The following ARHGEF37 variants were observed in gnomAD, a reference collection of about 807,000 sequenced individuals.
The protein encoded by ARHGEF37 is Rho guanine nucleotide exchange factor 37.
Under a neutral mutation model 71.1 loss-of-function variants are expected in ARHGEF37, and 55 were observed. The observed-to-expected ratio is 0.77, with a 90% CI of 0.62 to 0.97. ARHGEF37 has a LOEUF of 0.97. Ranked by LOEUF, ARHGEF37 falls within the 50% of genes least tolerant of loss-of-function variation. The pLI, the probability that ARHGEF37 is intolerant of heterozygous loss-of-function variation, is 0.00. For synonymous variants in ARHGEF37, 327 were observed against 350.6 expected (o/e 0.93, Z 0.75); for missense variants, 765 against 836.8 (o/e 0.91, Z 1.06).
Position 149,633,851 on chromosome 5 carries a change from A to T in ARHGEF37, c.*1660A>T, listed in dbSNP as rs4705077. 4.7e-4 allele frequency: 72 copies of T among 152,292 alleles called. No homozygotes were observed. Among genetic ancestry groups the T allele is most frequent in the African/African-American group, 1.6e-3 (65 of 41,528 alleles). 9.4% of individuals were successfully genotyped at this position (152,292 alleles called of 1,614,324 possible). ...TGTTAAAGCATGAAGACTGCATGAC[A>T]CAAGAGAAATGCAAGCCCTACGGTT... On this transcript the variant is annotated 3_prime_UTR_variant, in exon 13 of 13. Transcript: ENST00000333677.
At position 149,627,284 on chromosome 5, in the gene ARHGEF37, T is replaced by G; in HGVS notation, c.1660+13T>G. On this transcript the variant is annotated intron_variant, in intron 11 of 12. Coordinates refer to ENST00000333677, the MANE Select transcript of ARHGEF37 (RefSeq NM_001001669.3). ...GTGGACACCGGGGGTACGTGAGCCT[T>G]TGGGAGCCCTTCTTCTCCTTCGGGG... The G allele has an allele frequency of 6.2e-7, 1 of 1,609,434 alleles. No individual in the cohort carries two copies. Among genetic ancestry groups the G allele is most frequent in the African/African-American group, 1.3e-5 (1 of 74,944 alleles).
intron 1 of ARHGEF37, among the ~76,000 whole-genome samples, chr5:149,554,147 A>C (rs1762720759): frequency 6.6e-6 from 1 of 152,024 alleles, no homozygotes; most frequent in South Asian, 2.1e-4. Flanking sequence ...CGGCCTGGGC[A>C]AGAGAGTGAG....
chr5:149,629,424 G>A (rs551459768), intron 12 of ARHGEF37, among the ~76,000 whole-genome samples: 2 of 152,346 alleles, frequency 1.3e-5, no homozygotes, highest in South Asian at 4.1e-4. Flanking sequence ...AGCCCTAGGT[G>A]TGGAGAGGTC....
At chr5:149,583,412 A>T (rs1014211062) in intron 1 of ARHGEF37, among the ~76,000 whole-genome samples, 2 of 152,206 alleles carry the variant, frequency 1.3e-5, no homozygotes, top group Non-Finnish European at 2.9e-5. Context: ...CTGGGATTAC[A>T]GGCGTGAGCC....
chr5:149,552,203 TCC>T (rs1762685811), intron 1 of ARHGEF37: 2 of 89,750 alleles, frequency 2.2e-5, no homozygotes, highest in Non-Finnish European at 4.3e-5. Flanking sequence ...AACTGTTATG[TCC>T]CCTCAACCCC....
chr5:149,604,012 G>T (rs1417840479), intron 3 of ARHGEF37, among the ~76,000 whole-genome samples: 1 of 152,234 alleles, frequency 6.6e-6, no homozygotes, highest in African/African-American at 2.4e-5. Context: ...TCATTATTTT[G>T]GTTAATAATT....
intron 6 of ARHGEF37, 23 bp from the exon 7 acceptor site, chr5:149,618,915 A>AC: frequency 6.3e-7 from 1 of 1,587,444 alleles, no homozygotes; most frequent in African/African-American, 1.3e-5. Flanking sequence ...GATATTCTCA[A>AC]CCCTCACACA....
upstream of ARHGEF37, among the ~76,000 whole-genome samples, chr5:149,576,861 C>T (rs1763033894): frequency 6.6e-6 from 1 of 152,052 alleles, no homozygotes; most frequent in Non-Finnish European, 1.5e-5. Context: ...GAGGCCAAGG[C>T]AGGAGAATCT....
intron 9 of ARHGEF37, 47 bp from the exon 10 acceptor site, chr5:149,623,965 T>A: frequency 6.5e-7 from 1 of 1,548,158 alleles, no homozygotes; most frequent in Middle Eastern, 1.8e-4. Flanking sequence ...AGGGATCTCA[T>A]TGTCCCCTCT....
chr5:149,608,538 AATTTTTGT>A (rs1035683237), intron 3 of ARHGEF37, among the ~76,000 whole-genome samples: 3 of 151,508 alleles, frequency 2.0e-5, no homozygotes, highest in Non-Finnish European at 4.4e-5. Context: ...ACACCCGGCT[AATTTTTGT>A]ATTTTTAGTA....
chr5:149,598,262 A>ACTCTTC (rs1554121933), intron 2 of ARHGEF37, among the ~76,000 whole-genome samples: 1 of 114,252 alleles, frequency 8.8e-6, no homozygotes, highest in African/African-American at 3.5e-5. Context: ...GCTTAAACTG[A>ACTCTTC]CTCTTCTTCT....
intron 3 of ARHGEF37, 113 bp downstream of exon 3, chr5:149,601,344 G>A (rs1381175584): frequency 1.5e-6 from 2 of 1,323,400 alleles, no homozygotes; most frequent in African/African-American, 2.9e-5. Flanking sequence ...CTCAACGGCA[G>A]TCTGTTTTGG....
At chr5:149,592,221 A>G (rs949269372) in intron 1 of ARHGEF37, among the ~76,000 whole-genome samples, 1 of 148,352 alleles carries the variant, frequency 6.7e-6, no homozygotes, top group East Asian at 2.0e-4. Context: ...CACCACCTCA[A>G]TTAAATTACA....
At chr5:149,627,672 T>A (rs960850200) in intron 11 of ARHGEF37, among the ~76,000 whole-genome samples, 1 of 152,152 alleles carries the variant, frequency 6.6e-6, no homozygotes, top group African/African-American at 2.4e-5. Flanking sequence ...CCGCCAGAAG[T>A]CTGATGTGCA....
chr5:149,618,365 A>C (rs1752439612), intron 6 of ARHGEF37, 59 bp downstream of exon 6: 1 of 1,609,558 alleles, frequency 6.2e-7, no homozygotes, highest in African/African-American at 1.3e-5. Flanking sequence ...CAGGCCCTGC[A>C]CAGTGGGTAG....
At chr5:149,582,291 G>A (rs1490289492) in intron 1 of ARHGEF37, among the ~76,000 whole-genome samples, 1 of 152,218 alleles carries the variant, frequency 6.6e-6, no homozygotes, top group African/African-American at 2.4e-5. Context: ...CACAGTTTGA[G>A]ATTTGACATG....
intron 1 of ARHGEF37, among the ~76,000 whole-genome samples, chr5:149,592,666 G>C (rs1763443947): frequency 1.3e-5 from 2 of 152,200 alleles, no homozygotes; most frequent in Non-Finnish European, 1.5e-5. Flanking sequence ...GAATTGCTGA[G>C]TTACACAGAA....
At chr5:149,625,605 C>T (rs191804154) in intron 10 of ARHGEF37, among the ~76,000 whole-genome samples, 42 of 152,340 alleles carry the variant, frequency 2.8e-4, no homozygotes, top group Middle Eastern at 3.4e-3. Context: ...CCATCTGTCC[C>T]CGCTCTTACT....
chr5:149,573,999 T>C (rs1359470434), intron 1 of ARHGEF37, among the ~76,000 whole-genome samples: 1 of 152,214 alleles, frequency 6.6e-6, no homozygotes, highest in Non-Finnish European at 1.5e-5. Flanking sequence ...TAAACATCCT[T>C]ATGCGAATAT....
Sources: gnomAD v4.1 joint callset for allele counts (sites outside exome capture counted in the v4.1 genomes callset) on GRCh38, gnomAD v4.1.1 for gene constraint, MANE v1.5 for transcripts, NCBI Gene and HGNC (gene_info 2026-07-23, HGNC 2026-07-21) for gene names.